NBEA: variants seen among roughly 807,000 people sequenced by gnomAD.
NBEA encodes lysosomal-trafficking regulator 2.
NBEA carries 44 observed loss-of-function variants against 343.4 expected under a neutral mutation model. The ratio of observed to expected loss-of-function variants is 0.13; its 90% CI spans 0.10 to 0.16. The LOEUF (loss-of-function observed/expected upper bound fraction) is 0.16, where lower values mean the gene tolerates loss of function less well. NBEA is among the 10% of genes least tolerant of loss of function. The pLI, the probability that NBEA is intolerant of heterozygous loss-of-function variation, is 1.00. For synonymous variants in NBEA, 1,175 were observed against 1,238.7 expected (o/e 0.95, Z 1.08); for missense variants, 2,555 against 3,631.3 (o/e 0.70, Z 7.62).
At chr13:34,999,269 A>C (rs2061041465) in intron 1 of NBEA, among the ~76,000 whole-genome samples, 1 of 152,170 alleles carries the variant, frequency 6.6e-6, no homozygotes, top group Non-Finnish European at 1.5e-5. Flanking sequence ...ATTTTGATAC[A>C]GGTGTACAGT....
chr13:35,070,620 G>A, intron 9 of NBEA, 99 bp from the exon 10 acceptor site: 1 of 1,088,900 alleles, frequency 9.2e-7, no homozygotes. Flanking sequence ...AAATGTCCAA[G>A]TATGTTATTT....
At chr13:35,572,007 C>T (rs1429061784) in intron 45 of NBEA, among the ~76,000 whole-genome samples, 3 of 152,042 alleles carry the variant, frequency 2.0e-5, no homozygotes, top group Non-Finnish European at 2.9e-5. Context: ...TTAGACATCA[C>T]AGGTTCAAGT....
At chr13:35,374,485 G>A (rs2041632440) in intron 38 of NBEA, among the ~76,000 whole-genome samples, 1 of 152,150 alleles carries the variant, frequency 6.6e-6, no homozygotes. Flanking sequence ...TTGATACAGG[G>A]TTGTCACAGA....
chr13:35,307,484 A>T (rs1325396840), intron 35 of NBEA, among the ~76,000 whole-genome samples: 1 of 152,060 alleles, frequency 6.6e-6, no homozygotes, highest in Non-Finnish European at 1.5e-5. Flanking sequence ...ATATAATTTT[A>T]GATTGATTCA....
chr13:35,168,907 A>G, intron 24 of NBEA, 80 bp from the exon 25 acceptor site: 2 of 994,052 alleles, frequency 2.0e-6, no homozygotes, highest in Non-Finnish European at 2.8e-6. Flanking sequence ...TCAATTTTAC[A>G]TTGTATTTTC....
chr13:35,549,186 T>C (rs1594944420), intron 41 of NBEA, among the ~76,000 whole-genome samples: 1 of 152,100 alleles, frequency 6.6e-6, no homozygotes, highest in African/African-American at 2.4e-5. Context: ...AGACAAAAAC[T>C]GAATTAAGGG....
At chr13:35,060,830 A>T (rs1463930260) in intron 8 of NBEA, among the ~76,000 whole-genome samples, 2 of 151,716 alleles carry the variant, frequency 1.3e-5, no homozygotes, top group African/African-American at 4.8e-5. Flanking sequence ...TATCTTGGTA[A>T]AGTCACTTTC....
chr13:35,452,816 G>A (rs530907495), intron 40 of NBEA, among the ~76,000 whole-genome samples: 1 of 152,186 alleles, frequency 6.6e-6, no homozygotes, highest in African/African-American at 2.4e-5. Flanking sequence ...AGATATCTTA[G>A]TGTATTCACC....
chr13:35,048,559 G>T lies in NBEA; in HGVS notation c.724-4G>T. 6.2e-7 allele frequency: 1 copy of T among 1,604,888 alleles called. No homozygotes were observed. The highest frequency in any genetic ancestry group is 8.5e-7 in the Non-Finnish European group (1 of 1,175,198). ...CTTTCGTACCTTTTCTCATTGCCTT[G>T]TAGGCAATTGCCTTGCCTCCTATTG... On this transcript the variant is annotated splice_region_variant and splice_polypyrimidine_tract_variant and intron_variant, in intron 4 of 58. Coordinates refer to ENST00000379939, the MANE Select transcript of NBEA (RefSeq NM_001385012.1).
At chr13:35,263,224 G>T (rs764583693) in intron 34 of NBEA, among the ~76,000 whole-genome samples, 1 of 151,620 alleles carries the variant, frequency 6.6e-6, no homozygotes, top group Non-Finnish European at 1.5e-5. Flanking sequence ...CCTGGGAAAA[G>T]GCAGTCTTTT....
chr13:35,576,644 C>G (rs2080754117), intron 45 of NBEA, among the ~76,000 whole-genome samples: 1 of 152,144 alleles, frequency 6.6e-6, no homozygotes, highest in African/African-American at 2.4e-5. Flanking sequence ...TCCACATTCT[C>G]ACTGCCCAGA....
intron 34 of NBEA, among the ~76,000 whole-genome samples, chr13:35,278,333 C>T (rs372783984): frequency 1.3e-4 from 20 of 151,834 alleles, no homozygotes; most frequent in African/African-American, 4.6e-4. Context: ...GCTTCATTTT[C>T]TCTACCTATT....
intron 33 of NBEA, among the ~76,000 whole-genome samples, chr13:35,212,649 G>T (rs886518496): frequency 2.6e-5 from 4 of 152,074 alleles, no homozygotes; most frequent in Non-Finnish European, 2.9e-5. Context: ...TAACTCAGCA[G>T]CTGATTATGA....
chr13:35,567,041 C>A, intron 45 of NBEA, 24 bp downstream of exon 45: 1 of 1,256,256 alleles, frequency 8.0e-7, no homozygotes, highest in South Asian at 1.2e-5. Flanking sequence ...ATATAGAAGT[C>A]AGCTTTCTTC....
intron 57 of NBEA, 30 bp from the exon 58 acceptor site, chr13:35,668,338 T>TTG: frequency 1.3e-6 from 2 of 1,542,208 alleles, no homozygotes; most frequent in South Asian, 1.2e-5. Flanking sequence ...TTTTGTTTTT[T>TTG]TTTGTTTGTT....
intron 38 of NBEA, among the ~76,000 whole-genome samples, chr13:35,389,288 T>C (rs2042389014): frequency 6.6e-6 from 1 of 152,166 alleles, no homozygotes; most frequent in African/African-American, 2.4e-5. Context: ...TTGTTGAGTG[T>C]TGCTGTCTTC....
At chr13:35,441,206 G>A (rs1003272766) in intron 39 of NBEA, among the ~76,000 whole-genome samples, 5 of 151,958 alleles carry the variant, frequency 3.3e-5, no homozygotes, top group African/African-American at 1.2e-4. Context: ...TGTCCACATT[G>A]GACTTTGTGA....
At chr13:35,005,791 G>C (rs751807132) in intron 1 of NBEA, among the ~76,000 whole-genome samples, 1 of 152,174 alleles carries the variant, frequency 6.6e-6, no homozygotes, top group Non-Finnish European at 1.5e-5. Flanking sequence ...ATGAGAATAA[G>C]TTAGGCAAAA....
At chr13:35,425,034 C>A (rs1266443300) in intron 38 of NBEA, among the ~76,000 whole-genome samples, 1 of 152,054 alleles carries the variant, frequency 6.6e-6, no homozygotes, top group Non-Finnish European at 1.5e-5. Flanking sequence ...TGATTCTTCT[C>A]TATTTTCTTC....
Sources: allele counts gnomAD v4.1 joint callset (sites outside exome capture counted in the v4.1 genomes callset), GRCh38; gene constraint gnomAD v4.1.1; transcripts MANE v1.5; gene names NCBI Gene and HGNC (gene_info 2026-07-23, HGNC 2026-07-21).